The following TPO variants were observed in gnomAD, a reference collection of about 807,000 sequenced individuals.
TPO encodes thyroid peroxidase, also known as thyroid microsomal antigen.
TPO carries 78 observed loss-of-function variants against 96.9 expected under a neutral mutation model. The observed-to-expected ratio is 0.81, with a 90% confidence interval of 0.67 to 0.97. TPO has a LOEUF of 0.97. Ranked by LOEUF, TPO falls within the 50% of genes least tolerant of loss-of-function variation. The probability of loss-of-function intolerance (pLI) is 0.00; values close to 1 mark genes in which losing one functional copy is unlikely to be tolerated. For synonymous variants in TPO, 547 were observed against 538.0 expected (o/e 1.02, Z -0.23); for missense variants, 1,252 against 1,274.8 (o/e 0.98, Z 0.27).
intron 1 of TPO, among the ~76,000 whole-genome samples, chr2:1,414,159 C>A (rs2148397994): frequency 6.6e-6 from 1 of 152,206 alleles, no homozygotes; most frequent in Admixed American, 6.5e-5. Context: ...CTGGAGCTGC[C>A]AACATAAAAA....
At chr2:1,383,429 G>T (rs1661840209) in intron 1 of TPO, among the ~76,000 whole-genome samples, 1 of 152,208 alleles carries the variant, frequency 6.6e-6, no homozygotes, top group Non-Finnish European at 1.5e-5. Context: ...TAACTGGTGA[G>T]AGATGATATC....
intron 3 of TPO, among the ~76,000 whole-genome samples, chr2:1,428,170 C>T (rs1320313834): frequency 6.6e-6 from 1 of 152,166 alleles, no homozygotes. Flanking sequence ...CTATTAATAC[C>T]TTGCTTATGT....
intron 10 of TPO, among the ~76,000 whole-genome samples, chr2:1,488,732 G>A (rs1401881523): frequency 6.6e-6 from 1 of 152,160 alleles, no homozygotes; most frequent in Non-Finnish European, 1.5e-5. Flanking sequence ...TTGTGTGTGG[G>A]TGACATGTGA....
intron 5 of TPO, among the ~76,000 whole-genome samples, chr2:1,436,803 C>T (rs1047102948): frequency 3.3e-5 from 5 of 152,204 alleles, no homozygotes; most frequent in African/African-American, 1.2e-4. Context: ...TTAGCTGAAG[C>T]CAAAATAACC....
At chr2:1,388,961 T>C (rs1199947468) in intron 1 of TPO, among the ~76,000 whole-genome samples, 1 of 152,354 alleles carries the variant, frequency 6.6e-6, no homozygotes, top group East Asian at 1.9e-4. Context: ...AATAAGTGAA[T>C]AAAAATCAAT....
At chr2:1,488,294 T>C (rs998604902) in intron 10 of TPO, among the ~76,000 whole-genome samples, 21 of 152,248 alleles carry the variant, frequency 1.4e-4, no homozygotes, top group Non-Finnish European at 3.1e-4. Flanking sequence ...ATGGCAGGTC[T>C]GTATCTGGTA....
intron 10 of TPO, among the ~76,000 whole-genome samples, chr2:1,489,977 C>T (rs541235125): frequency 6.2e-5 from 7 of 113,698 alleles, no homozygotes; most frequent in South Asian, 6.0e-4. Flanking sequence ...GTGGGTCCCA[C>T]ACAGGGGGAG....
intron 15 of TPO, among the ~76,000 whole-genome samples, chr2:1,522,580 C>T (rs1675433681): frequency 6.6e-6 from 1 of 152,138 alleles, no homozygotes; most frequent in Non-Finnish European, 1.5e-5. Flanking sequence ...CGTGTGATGC[C>T]CAGCCATTCC....
At chr2:1,479,497 G>A (rs1462005749) in intron 8 of TPO, among the ~76,000 whole-genome samples, 1 of 152,196 alleles carries the variant, frequency 6.6e-6, no homozygotes, top group African/African-American at 2.4e-5. Flanking sequence ...ATCCAGCCCA[G>A]GGAGCTGTGA....
At chr2:1,472,808 T>A (rs1669548209) in intron 7 of TPO, among the ~76,000 whole-genome samples, 1 of 143,748 alleles carries the variant, frequency 7.0e-6, no homozygotes, top group South Asian at 2.2e-4. Flanking sequence ...TTTCTCATTT[T>A]TTTCTGCTTG....
chr2:1,386,215 A>T (rs1661892228), intron 1 of TPO, among the ~76,000 whole-genome samples: 1 of 152,176 alleles, frequency 6.6e-6, no homozygotes, highest in South Asian at 2.1e-4. Flanking sequence ...AGAGTTCTAT[A>T]GATGTCTATT....
chr2:1,384,856 A>G (rs1661863049), intron 1 of TPO, among the ~76,000 whole-genome samples: 1 of 152,220 alleles, frequency 6.6e-6, no homozygotes, highest in African/African-American at 2.4e-5. Flanking sequence ...GTTTGTCATA[A>G]ATAGCTGTTA....
intron 7 of TPO, among the ~76,000 whole-genome samples, chr2:1,462,541 C>T (rs4927617): frequency 0.31 from 46,524 of 147,922 alleles, 8,754 homozygotes; most frequent in Admixed American, 0.35. Flanking sequence ...CACACACACA[C>T]AGATATCAAT....
At chr2:1,475,458 C>T (rs1669810790) in intron 7 of TPO, among the ~76,000 whole-genome samples, 1 of 151,584 alleles carries the variant, frequency 6.6e-6, no homozygotes, top group South Asian at 2.1e-4. Context: ...GAATCTCGCT[C>T]TGTCACCCAG....
chr2:1,468,162 A>C (rs2148642663), intron 7 of TPO, among the ~76,000 whole-genome samples: 1 of 152,010 alleles, frequency 6.6e-6, no homozygotes, highest in South Asian at 2.1e-4. Flanking sequence ...TTTTAGGTGG[A>C]GCATTTAGAC....
In TPO at chr2:1,375,916, G is replaced by A. The variant is rs567616347; in HGVS notation, n.180+1514G>A. ...GAGGATTTTTCTAGTCACGCACAACGAACGTTTCTCTAATGCTATGCATGA... is the reference window on the plus strand; with the variant it reads ...GAGGATTTTTCTAGTCACGCACAACAAACGTTTCTCTAATGCTATGCATGA... On this transcript the variant is annotated intron_variant and non_coding_transcript_variant, in intron 1 of 5. Coordinates refer to the TPO transcript ENST00000497517. Among the ~76,000 whole-genome samples, 8 of 152,216 alleles carry A rather than the reference G, an allele frequency of 5.3e-5. No individual in the cohort carries two copies. The East Asian group carries it at 1.4e-3, about 26-fold the overall frequency.
chr2:1,456,206 C>T lies in TPO; in HGVS notation c.743C>T (p.Thr248Ile), dbSNP rs138947676. Residue 248 changes from threonine (T) to isoleucine (I), a missense_variant, in exon 7 of 17, where the codon ACC (threonine) becomes ATC (isoleucine). Thr to Ile is a moderately conservative substitution (Grantham distance 89). Transcript: ENST00000329066. ...DHDIAFTPQS[T>I]SKAAFGGGAD... Reference sequence around the variant, plus strand: ...GACATCGCGTTCACACCACAGAGCACCAGCAAAGCTGCCTTCGGGGGAGGG... The same window carrying T: ...GACATCGCGTTCACACCACAGAGCATCAGCAAAGCTGCCTTCGGGGGAGGG... 1 of 1,614,128 alleles carries T rather than the reference C, an allele frequency of 6.2e-7. No individual in the cohort carries two copies. Among genetic ancestry groups the T allele is most frequent in the South Asian group, 1.1e-5 (1 of 91,088 alleles).
chr2:1,503,794 G>C, intron 13 of TPO, 154 bp from the exon 14 acceptor site: 8 of 1,400,118 alleles, frequency 5.7e-6, no homozygotes, highest in African/African-American at 4.3e-5. Flanking sequence ...GATGTGCCGG[G>C]AGCAGGGGGC....
At chr2:1,395,042 GC>G in intron 1 of TPO, among the ~76,000 whole-genome samples, 1 of 151,136 alleles carries the variant, frequency 6.6e-6, no homozygotes, top group East Asian at 2.0e-4. Context: ...AAAAAAAATT[GC>G]AGTTTTTTCT....
Sources: gnomAD v4.1 joint callset for allele counts (sites outside exome capture counted in the v4.1 genomes callset) on GRCh38, gnomAD v4.1.1 for gene constraint, MANE v1.5 for transcripts, NCBI Gene and HGNC (gene_info 2026-07-23, HGNC 2026-07-21) for gene names.